DGKI: variants seen among roughly 807,000 people sequenced by gnomAD.
DGKI encodes diacylglycerol kinase iota, also known as DAG kinase iota.
A neutral mutation model predicts 147.5 loss-of-function variants in DGKI; 55 were observed. That is an observed-to-expected ratio of 0.37 (90% CI 0.30 to 0.47). DGKI has a LOEUF of 0.47. Ranked by LOEUF, DGKI falls within the 20% of genes least tolerant of loss-of-function variation. DGKI has a pLI of 1.00. For synonymous variants in DGKI, 469 were observed against 477.1 expected (o/e 0.98, Z 0.22); for missense variants, 1,007 against 1,323.8 (o/e 0.76, Z 3.71).
chr7:137,523,717 T>C (rs1257635722), intron 20 of DGKI, among the ~76,000 whole-genome samples: 1 of 152,154 alleles, frequency 6.6e-6, no homozygotes. Flanking sequence ...CAAAAAGGTA[T>C]GGACAAATAA....
chr7:137,846,419 C>A lies in DGKI; in HGVS notation c.401+43G>T. 2 of 1,482,506 alleles carry A rather than the reference C, an allele frequency of 1.3e-6. No homozygotes were observed. The highest frequency in any genetic ancestry group is 9.2e-7 in the Non-Finnish European group (1 of 1,089,750). 91.8% of individuals were successfully genotyped at this position (1,482,506 alleles called of 1,614,324 possible). A position where few individuals can be genotyped will look rare whatever the true frequency, so the allele number is the denominator to read the frequency against. On this transcript the variant is annotated intron_variant, in intron 1 of 32. Coordinates refer to ENST00000614521, the MANE Select transcript of DGKI (RefSeq NM_001321708.2). This position sits in a 1 kb window ranked among gnomAD's most constrained non-coding sequence, Gnocchi z 4.0. ...TTGCTGGGTAGAAGAGTGGGTCTCCCGCCGCGGCGCACCTGTCTCGGCTGC... is the reference window on the plus strand; with the variant it reads ...TTGCTGGGTAGAAGAGTGGGTCTCCAGCCGCGGCGCACCTGTCTCGGCTGC...
intron 1 of DGKI, among the ~76,000 whole-genome samples, chr7:137,695,321 A>G (rs1823745838): frequency 6.6e-6 from 1 of 152,208 alleles, no homozygotes; most frequent in Non-Finnish European, 1.5e-5. Context: ...TCAACAATGT[A>G]TTTACCGAAT....
intron 30 of DGKI, among the ~76,000 whole-genome samples, chr7:137,399,616 A>G (rs1462418550): frequency 6.6e-6 from 1 of 152,200 alleles, no homozygotes; most frequent in Non-Finnish European, 1.5e-5. Flanking sequence ...GGTTGTTGTG[A>G]GAGTTCAAGA....
chr7:137,479,581 C>T (rs1344043153), intron 23 of DGKI, among the ~76,000 whole-genome samples: 1 of 152,126 alleles, frequency 6.6e-6, no homozygotes, highest in Non-Finnish European at 1.5e-5. Flanking sequence ...GGCACAGCAG[C>T]CCCATCACAC....
intron 2 of DGKI, among the ~76,000 whole-genome samples, chr7:137,689,536 TGAG>T (rs1823532529): frequency 6.6e-6 from 1 of 152,202 alleles, no homozygotes; most frequent in South Asian, 2.1e-4. Flanking sequence ...CAGCTCAAGC[TGAG>T]GAAATCAAAA....
rs151124885 is a variant in DGKI at position 137,640,915 on chromosome 7, A to C, written c.804+4557T>G. The stretch of plus-strand genomic sequence containing the variant: ...GAAAATACATACTATTTATGGACAA[A>C]TAATTCATATTAATGTAGCATGTTT... On this transcript the variant is annotated intron_variant, in intron 6 of 32. Transcript: ENST00000614521. 5.3e-5 allele frequency among the ~76,000 whole-genome samples: 8 copies of C among 152,336 alleles called. No homozygotes were observed. In the East Asian group the frequency reaches 1.5e-3, roughly 29 times the overall value.
chr7:137,398,476 A>T (rs1034510649), intron 30 of DGKI, among the ~76,000 whole-genome samples: 40 of 152,326 alleles, frequency 2.6e-4, no homozygotes, highest in Middle Eastern at 3.4e-3. Flanking sequence ...TATGCTTGTA[A>T]GTGCCAAACA....
At chr7:137,591,931 T>C (rs761096527) in intron 12 of DGKI, among the ~76,000 whole-genome samples, 9 of 152,208 alleles carry the variant, frequency 5.9e-5, no homozygotes, top group African/African-American at 9.7e-5. Context: ...AGCGTTTCTT[T>C]TGCAGACTGT....
At chr7:137,591,706 CAT>C (rs1244340041) in intron 12 of DGKI, among the ~76,000 whole-genome samples, 2 of 152,190 alleles carry the variant, frequency 1.3e-5, no homozygotes, top group African/African-American at 4.8e-5. Flanking sequence ...TTCATCAACT[CAT>C]GTGTAGACAT....
chr7:137,464,813 A>G (rs1412597016), intron 26 of DGKI, among the ~76,000 whole-genome samples: 2 of 152,222 alleles, frequency 1.3e-5, no homozygotes, highest in Non-Finnish European at 2.9e-5. Flanking sequence ...CTGTTTATTC[A>G]TACTGTATGA....
At chr7:137,600,431 T>A (rs1405886405) in intron 10 of DGKI, among the ~76,000 whole-genome samples, 1 of 152,198 alleles carries the variant, frequency 6.6e-6, no homozygotes, top group Non-Finnish European at 1.5e-5. Flanking sequence ...TTCATTTAGC[T>A]CAGCCCTCCT....
intron 21 of DGKI, chr7:137,513,859 A>T (rs1471011585): frequency 2.9e-6 from 2 of 694,544 alleles, no homozygotes; most frequent in Non-Finnish European, 5.2e-6. Flanking sequence ...CCTCTGCGCC[A>T]TGAGAGCCAA....
chr7:137,777,696 T>C (rs1437643942), intron 1 of DGKI, among the ~76,000 whole-genome samples: 1 of 152,252 alleles, frequency 6.6e-6, no homozygotes, highest in East Asian at 1.9e-4. Context: ...TTATTCTCTT[T>C]AAAGAATTCT....
chr7:137,742,824 AT>A (rs1795217425), intron 1 of DGKI, among the ~76,000 whole-genome samples: 1 of 152,166 alleles, frequency 6.6e-6, no homozygotes, highest in Non-Finnish European at 1.5e-5. Flanking sequence ...AATGGAATTT[AT>A]TACAAAAGAT....
chr7:137,753,066 G>A (rs201210528), intron 1 of DGKI, among the ~76,000 whole-genome samples: 3 of 147,578 alleles, frequency 2.0e-5, no homozygotes, highest in Non-Finnish European at 3.0e-5. Flanking sequence ...ACACACACAC[G>A]CACACCCACA....
chr7:137,577,045 C>A (rs181354492), intron 17 of DGKI, among the ~76,000 whole-genome samples, 177 bp downstream of exon 17: 1 of 152,268 alleles, frequency 6.6e-6, no homozygotes, highest in East Asian at 1.9e-4. Flanking sequence ...TTATCTTCAT[C>A]CCCAGCAACT....
chr7:137,607,623 G>A (rs1820225960), intron 10 of DGKI, among the ~76,000 whole-genome samples: 1 of 152,178 alleles, frequency 6.6e-6, no homozygotes, highest in Non-Finnish European at 1.5e-5. Context: ...TTGATATGTG[G>A]TGCTCAGGTG....
At chr7:137,514,243 A>C (rs1480558183) in intron 21 of DGKI, among the ~76,000 whole-genome samples, 1 of 152,184 alleles carries the variant, frequency 6.6e-6, no homozygotes, top group East Asian at 1.9e-4. Context: ...AGAATTAAAA[A>C]AAATAAAATA....
chr7:137,573,603 C>T (rs1818866852), intron 17 of DGKI, among the ~76,000 whole-genome samples: 1 of 152,200 alleles, frequency 6.6e-6, no homozygotes, highest in Non-Finnish European at 1.5e-5. Flanking sequence ...CGGGGTTTCA[C>T]CATGTTGGCC....
Sources: allele counts gnomAD v4.1 joint callset (sites outside exome capture counted in the v4.1 genomes callset), GRCh38; gene constraint gnomAD v4.1.1; non-coding constraint Gnocchi (gnomAD v3.1); transcripts MANE v1.5; gene names NCBI Gene and HGNC (gene_info 2026-07-23, HGNC 2026-07-21).